ZNF585B: variants seen among roughly 807,000 people sequenced by gnomAD.
ZNF585B encodes zinc finger protein 41-like protein.
In ZNF585B, 7 loss-of-function variants were observed where a neutral mutation model predicts 14.0. The observed-to-expected ratio is 0.50, with a 90% CI of 0.28 to 0.94. The LOEUF is 0.94. Among genes scored for constraint, ZNF585B ranks in the 40% least tolerant of loss-of-function variants. ZNF585B has a pLI of 0.09. For synonymous variants in ZNF585B, 290 were observed against 317.3 expected (o/e 0.91, Z 0.91); for missense variants, 750 against 924.4 (o/e 0.81, Z 2.45).
intron 2 of ZNF585B, among the ~76,000 whole-genome samples, chr19:37,202,453 C>A (rs1398661170): frequency 6.6e-6 from 1 of 152,158 alleles, no homozygotes; most frequent in East Asian, 1.9e-4. Flanking sequence ...ATCTGTTACT[C>A]AAAACTTTGG....
At position 37,185,197 on chromosome 19, in the gene ZNF585B, C is replaced by T. The variant is rs372419837; in HGVS notation, c.*30G>A. On this transcript the variant is annotated 3_prime_UTR_variant, in exon 5 of 5. Coordinates refer to ENST00000532828, the MANE Select transcript of ZNF585B (RefSeq NM_152279.4). ...GCAACAGTGTACAATCAGACCCAAC[C>T]CTCAGGGGGGTTTTCTCACACTGTT... is the stretch of plus-strand genomic sequence containing the variant. The T allele has an allele frequency of 4.8e-5, 76 of 1,581,550 alleles. No individual in the cohort carries two copies. The East Asian group carries it at 1.1e-3, about 22-fold the overall frequency.
Position 37,187,146 on chromosome 19 carries a change from C to A in ZNF585B, c.391G>T (p.Glu131Ter). ...AAGCTCTTTCCAAATTCAGCACACT[C>A]ATAGGATTTTTCCCCAGAATAAATT... ...QKIYSGEKSY[E>*]CAEFGKSFTW... Residue 131 changes from glutamate (E) to a stop codon, truncating the protein, a stop_gained, in exon 5 of 5, where the codon GAG becomes TAG. Transcript: ENST00000532828. LOFTEE classifies it low-confidence loss of function (END_TRUNC). The A allele has an allele frequency of 6.2e-7, 1 of 1,614,044 alleles. No homozygotes were observed. Among genetic ancestry groups the A allele is most frequent in the South Asian group, 1.1e-5 (1 of 91,058 alleles).
At chr19:37,203,479 C>CAA (rs35565550) in intron 2 of ZNF585B, among the ~76,000 whole-genome samples, 1,922 of 114,676 alleles carry the variant, frequency 0.017, 60 homozygotes, top group African/African-American at 0.042. Flanking sequence ...GATCTTGTCA[C>CAA]AAAAAAAAAA....
intron 2 of ZNF585B, among the ~76,000 whole-genome samples, chr19:37,200,188 A>C (rs1288186338): frequency 6.6e-6 from 1 of 152,084 alleles, no homozygotes; most frequent in African/African-American, 2.4e-5. Flanking sequence ...GAACTCAGTA[A>C]AGTTTTTTTG....
rs780314627 is a variant in ZNF585B at position 37,185,870 on chromosome 19, C to T, written c.1667G>A (p.Gly556Glu). The T allele has an allele frequency of 3.7e-6, 6 of 1,613,470 alleles. No homozygotes were observed. In the South Asian group the frequency reaches 5.5e-5, roughly 15 times the overall value. ...TATTGATTTCTGGTTGAAGGCTTTCCCACATTCGTGGCATTCATACTGTCT... is the reference window on the plus strand; with the variant it reads ...TATTGATTTCTGGTTGAAGGCTTTCTCACATTCGTGGCATTCATACTGTCT... ...GERQYECHEC[G>E]KAFNQKSILI... Residue 556 changes from glycine to glutamate, a missense_variant, in exon 5 of 5, where the codon GGG becomes GAG. Physicochemically the swap from Gly to Glu is moderately conservative, Grantham distance 98. Coordinates refer to ENST00000532828, the MANE Select transcript of ZNF585B (RefSeq NM_152279.4).
At chr19:37,189,448 G>T in intron 4 of ZNF585B, 1 of 559,092 alleles carries the variant, frequency 1.8e-6, no homozygotes, top group South Asian at 2.2e-5. Flanking sequence ...TCTTTAATGA[G>T]GCTGACTGGC....
In ZNF585B at chr19:37,201,233, A is replaced by G. The variant is rs941259025; in HGVS notation, c.72+5807T>C. Among the ~76,000 whole-genome samples the G allele has an allele frequency of 3.3e-5, 5 of 152,188 alleles. No homozygotes were observed. In the East Asian group the frequency reaches 7.7e-4, roughly 23 times the overall value. On this transcript the variant is annotated intron_variant, in intron 2 of 4. Coordinates refer to ENST00000532828, the MANE Select transcript of ZNF585B (RefSeq NM_152279.4). The stretch of plus-strand genomic sequence containing the variant: ...GCAAGAACCTCCACCTTAATATTTG[A>G]GCTGAATTCTCACCAAAAAAATTAA...
chr19:37,189,758 T>C lies in ZNF585B; in HGVS notation c.200-5A>G, dbSNP rs1972379197. 6.2e-7 allele frequency: 1 copy of C among 1,614,028 alleles called. No individual in the cohort carries two copies. Among genetic ancestry groups the C allele is most frequent in the South Asian group, 1.1e-5 (1 of 91,082 alleles). ...CTGGTTTAGGAACTTGATACCCTGT[T>C]CATGGGAAATGATAAAGGTCTGGGT... On this transcript the variant is annotated splice_polypyrimidine_tract_variant and splice_region_variant and intron_variant, in intron 3 of 4. Coordinates refer to ENST00000532828, the MANE Select transcript of ZNF585B (RefSeq NM_152279.4).
At position 37,182,489 on chromosome 19, in the gene ZNF585B, C is replaced by G. The variant is rs751611853; in HGVS notation, c.*2738G>C. On this transcript the variant is annotated 3_prime_UTR_variant, in exon 5 of 5. Transcript: ENST00000532828. ...AGGAAGAATAGTGAAGCTTCAGATA[C>G]AGTGCTGGATGAGGTGAAGGGAGGT... 2 of 152,162 alleles carry G rather than the reference C, an allele frequency of 1.3e-5. No homozygotes were observed. Among genetic ancestry groups the G allele is most frequent in the Non-Finnish European group, 2.9e-5 (2 of 68,032 alleles). 9.4% of individuals were successfully genotyped at this position (152,162 alleles called of 1,614,324 possible).
intron 2 of ZNF585B, among the ~76,000 whole-genome samples, chr19:37,200,475 G>A (rs1450968544): frequency 2.0e-5 from 3 of 149,840 alleles, no homozygotes; most frequent in East Asian, 2.0e-4. Context: ...GCTTGAACCC[G>A]GCAGATGGAG....
At chr19:37,188,169 G>A (rs1972359748) in intron 4 of ZNF585B, among the ~76,000 whole-genome samples, 1 of 152,126 alleles carries the variant, frequency 6.6e-6, no homozygotes, top group South Asian at 2.1e-4. Context: ...CTCATCAGGT[G>A]AAATATAAAA....
chr19:37,199,591 G>A (rs1568510637), intron 2 of ZNF585B: 5 of 367,704 alleles, frequency 1.4e-5, no homozygotes, highest in Non-Finnish European at 2.7e-5. Context: ...ACTAAGCATC[G>A]CCTAATGTAC....
In ZNF585B at chr19:37,207,171, G is replaced by A; in HGVS notation, c.-60C>T. The A allele has an allele frequency of 6.2e-7, 1 of 1,609,798 alleles. No homozygotes were observed. The highest frequency in any genetic ancestry group is 8.5e-7 in the Non-Finnish European group (1 of 1,179,030). On this transcript the variant is annotated 5_prime_UTR_variant, in exon 2 of 5. Transcript: ENST00000532828. ...TGCCTGAAGTTTAGTGGTCATCTGT[G>A]AACTCAGCAGAGCTGCTCCGAAGAG... is the stretch of plus-strand genomic sequence containing the variant.
At chr19:37,196,493 GT>G (rs1182128734) in intron 2 of ZNF585B, among the ~76,000 whole-genome samples, 1 of 152,098 alleles carries the variant, frequency 6.6e-6, no homozygotes, top group Non-Finnish European at 1.5e-5. Context: ...AACCACATGG[GT>G]TTGAACTATG....
At position 37,181,856 on chromosome 19, in the gene ZNF585B, T is replaced by A. The variant is rs1233321308; in HGVS notation, c.*3371A>T. On this transcript the variant is annotated 3_prime_UTR_variant, in exon 5 of 5. Coordinates refer to ENST00000532828, the MANE Select transcript of ZNF585B (RefSeq NM_152279.4). ...GAAAATAGCCAGGAGTTTAGAGGAG[T>A]AGGCGAAACACAGAGGATTATTGGG... is the stretch of plus-strand genomic sequence containing the variant. 6.6e-6 allele frequency: 1 copy of A among 151,830 alleles called. No homozygotes were observed. Among genetic ancestry groups the A allele is most frequent in the Non-Finnish European group, 1.5e-5 (1 of 67,974 alleles). 9.4% of individuals were successfully genotyped at this position (151,830 alleles called of 1,614,324 possible).
intron 2 of ZNF585B, among the ~76,000 whole-genome samples, chr19:37,197,898 C>T (rs1406946881): frequency 6.6e-6 from 1 of 151,954 alleles, no homozygotes; most frequent in Admixed American, 6.6e-5. Context: ...GAAAATGGCA[C>T]TAATTATTAG....
Position 37,182,041 on chromosome 19 carries a change from C to T in ZNF585B, c.*3186G>A, listed in dbSNP as rs1208097978. ...CATCAATTGTAACAAATGTACCACT[C>T]TGAAGGGGGATGTTGATGATGGGGG... On this transcript the variant is annotated 3_prime_UTR_variant, in exon 5 of 5. Coordinates refer to ENST00000532828, the MANE Select transcript of ZNF585B (RefSeq NM_152279.4). 2 of 152,070 alleles carry T rather than the reference C, an allele frequency of 1.3e-5. No individual in the cohort carries two copies. Among genetic ancestry groups the T allele is most frequent in the African/African-American group, 4.8e-5 (2 of 41,390 alleles). 9.4% of individuals were successfully genotyped at this position (152,070 alleles called of 1,614,324 possible). A position where few individuals can be genotyped will look rare whatever the true frequency, so the allele number is the denominator to read the frequency against.
chr19:37,189,578 C>T (rs926019907), intron 4 of ZNF585B, 83 bp downstream of exon 4: 2 of 1,513,040 alleles, frequency 1.3e-6, no homozygotes, highest in Non-Finnish European at 9.1e-7. Flanking sequence ...TAGCACTTCA[C>T]AGGTTCCAGT....
intron 4 of ZNF585B, among the ~76,000 whole-genome samples, chr19:37,188,728 G>A (rs942264143): frequency 6.6e-6 from 1 of 151,998 alleles, no homozygotes; most frequent in African/African-American, 2.4e-5. Flanking sequence ...GTGTGGAATC[G>A]CTCAAGCAAC....
Sources: gnomAD v4.1 joint callset for allele counts (sites outside exome capture counted in the v4.1 genomes callset) on GRCh38, gnomAD v4.1.1 for gene constraint, MANE v1.5 for transcripts, NCBI Gene and HGNC (gene_info 2026-07-23, HGNC 2026-07-21) for gene names.